SRGAP1: variants seen among roughly 807,000 people sequenced by gnomAD.
SRGAP1 encodes SLIT-ROBO Rho GTPase-activating protein 1.
SRGAP1 carries 43 observed loss-of-function variants against 121.9 expected under a neutral mutation model. That is an observed-to-expected ratio of 0.35 (90% confidence interval 0.28 to 0.46). SRGAP1 has a LOEUF of 0.46. Among genes scored for constraint, SRGAP1 ranks in the 20% least tolerant of loss-of-function variants. The pLI is 1.00. For synonymous variants in SRGAP1, 447 were observed against 485.4 expected (o/e 0.92, Z 1.04); for missense variants, 1,102 against 1,350.9 (o/e 0.82, Z 2.89).
chr12:64,141,440 C>T (rs1214579264), intron 21 of SRGAP1, among the ~76,000 whole-genome samples: 4 of 151,650 alleles, frequency 2.6e-5, no homozygotes, highest in South Asian at 2.1e-4. Context: ...ATTAGCCGGG[C>T]GTGGTGGTGG....
At chr12:63,961,128 T>C (rs1592984702) in intron 1 of SRGAP1, among the ~76,000 whole-genome samples, 1 of 152,356 alleles carries the variant, frequency 6.6e-6, no homozygotes, top group East Asian at 1.9e-4. Context: ...TAGATAAATA[T>C]AACTTTAATT....
chr12:63,966,763 G>A (rs2032801322), intron 1 of SRGAP1, among the ~76,000 whole-genome samples: 1 of 152,162 alleles, frequency 6.6e-6, no homozygotes. Context: ...GGTGATACTG[G>A]AAGCTGGTTT....
chr12:64,017,514 G>A (rs569906803), intron 4 of SRGAP1, among the ~76,000 whole-genome samples: 32 of 152,150 alleles, frequency 2.1e-4, no homozygotes, highest in African/African-American at 7.7e-4. Context: ...AGGTAGCTGG[G>A]CATGGTGGGA....
chr12:64,115,716 A>G, intron 17 of SRGAP1, 98 bp from the exon 18 acceptor site: 1 of 845,572 alleles, frequency 1.2e-6, no homozygotes, highest in South Asian at 1.6e-5. Flanking sequence ...AGCCAAGATC[A>G]CACCACTGCA....
At chr12:64,087,084 C>A in intron 11 of SRGAP1, 58 bp downstream of exon 11, 1 of 1,303,154 alleles carries the variant, frequency 7.7e-7, no homozygotes, top group Admixed American at 1.9e-5. Flanking sequence ...TAACAAGAAG[C>A]AACCATTTCA....
At chr12:64,109,069 A>T in intron 16 of SRGAP1, 32 bp downstream of exon 16, 1 of 1,388,414 alleles carries the variant, frequency 7.2e-7, no homozygotes, top group South Asian at 1.6e-5. Flanking sequence ...CAAAAGGCCC[A>T]TCTGAATTCT....
chr12:64,102,218 T>C (rs551804569), intron 15 of SRGAP1, among the ~76,000 whole-genome samples: 2 of 152,346 alleles, frequency 1.3e-5, no homozygotes, highest in African/African-American at 4.8e-5. Context: ...TTACTTTTAG[T>C]GGCAAAAAAC....
chr12:63,974,838 G>A (rs1047093897), intron 1 of SRGAP1, among the ~76,000 whole-genome samples: 3 of 151,936 alleles, frequency 2.0e-5, no homozygotes, highest in East Asian at 1.9e-4. Context: ...TCTGGACTAG[G>A]GTATCAAGAA....
chr12:64,072,525 A>T (rs1339291988), intron 8 of SRGAP1, among the ~76,000 whole-genome samples: 1 of 152,132 alleles, frequency 6.6e-6, no homozygotes, highest in Non-Finnish European at 1.5e-5. Context: ...CTTATAATAA[A>T]AAGGGGAGGG....
intron 3 of SRGAP1, among the ~76,000 whole-genome samples, chr12:64,009,356 A>T (rs1447823272): frequency 6.6e-6 from 1 of 152,166 alleles, no homozygotes; most frequent in Non-Finnish European, 1.5e-5. Context: ...TAGAGAAACA[A>T]CTTTTCATGT....
At chr12:63,916,055 T>A (rs1325820167) in intron 1 of SRGAP1, among the ~76,000 whole-genome samples, 22 of 125,204 alleles carry the variant, frequency 1.8e-4, no homozygotes, top group African/African-American at 6.2e-4. Context: ...TTTTTTGAGA[T>A]GGGGTCTCAC....
chr12:63,898,424 T>C (rs1194852991), intron 1 of SRGAP1, among the ~76,000 whole-genome samples: 1 of 152,262 alleles, frequency 6.6e-6, no homozygotes, highest in Non-Finnish European at 1.5e-5. Flanking sequence ...CTTGGACATT[T>C]AATGTATTCC....
chr12:63,877,329 T>C (rs911228371), intron 1 of SRGAP1, among the ~76,000 whole-genome samples: 2 of 152,264 alleles, frequency 1.3e-5, no homozygotes, highest in African/African-American at 4.8e-5. Context: ...TCTCTGCCAA[T>C]GCTTTCTTCT....
intron 8 of SRGAP1, among the ~76,000 whole-genome samples, chr12:64,078,265 A>T (rs1291361337): frequency 2.0e-5 from 3 of 152,112 alleles, no homozygotes; most frequent in Admixed American, 6.5e-5. Context: ...GCCCACAACT[A>T]AAAAAAATCA....
In SRGAP1 at chr12:64,097,222, GTTTTT is replaced by G; in HGVS notation, c.1679-7_1679-3del. On this transcript the variant is annotated splice_polypyrimidine_tract_variant and intron_variant, in intron 14 of 21. Coordinates refer to ENST00000355086, the MANE Select transcript of SRGAP1 (RefSeq NM_020762.4). ...AAAAGAAGCACTGTTAATGTAATGA[GTTTTT>G]TTTTTTTTTTTAGGTGAAAATCCTT... is the stretch of plus-strand genomic sequence containing the variant. The G allele has an allele frequency of 6.9e-7, 1 of 1,459,398 alleles. No homozygotes were observed. The highest frequency in any genetic ancestry group is 9.1e-7 in the Non-Finnish European group (1 of 1,095,188). The allele number at this position is 1,459,398 out of a possible 1,614,324, so 90.4% of individuals were successfully genotyped here.
chr12:63,900,556 T>C (rs1332862825), intron 1 of SRGAP1, among the ~76,000 whole-genome samples: 2 of 151,940 alleles, frequency 1.3e-5, no homozygotes, highest in East Asian at 3.9e-4. Flanking sequence ...CTCACACCTG[T>C]AATCGCAGCA....
At chr12:63,933,724 AC>A (rs1434281708) in intron 1 of SRGAP1, among the ~76,000 whole-genome samples, 1 of 152,346 alleles carries the variant, frequency 6.6e-6, no homozygotes, top group South Asian at 2.1e-4. Flanking sequence ...CTAAAAGTGA[AC>A]CATTTACAAC....
At chr12:63,915,587 G>GC (rs2030734480) in intron 1 of SRGAP1, among the ~76,000 whole-genome samples, 1 of 152,184 alleles carries the variant, frequency 6.6e-6, no homozygotes, top group Non-Finnish European at 1.5e-5. Context: ...AAGATTTTTA[G>GC]CTGGAGACAC....
intron 1 of SRGAP1, among the ~76,000 whole-genome samples, chr12:63,980,177 T>A (rs917323080): frequency 6.6e-6 from 1 of 152,198 alleles, no homozygotes; most frequent in Non-Finnish European, 1.5e-5. Context: ...CTCAGCCTCC[T>A]GGGTAGTTGG....
Sources: gnomAD v4.1 joint callset for allele counts (sites outside exome capture counted in the v4.1 genomes callset) on GRCh38, gnomAD v4.1.1 for gene constraint, MANE v1.5 for transcripts, NCBI Gene and HGNC (gene_info 2026-07-23, HGNC 2026-07-21) for gene names.